Variants in ATXN7 observed in about 807,000 individuals in gnomAD.
The protein encoded by ATXN7 is ataxin 7, also known as ataxin-7.
Under a neutral mutation model 70.5 loss-of-function variants are expected in ATXN7, and 12 were observed. That is an observed-to-expected ratio of 0.17 (90% CI 0.11 to 0.28). ATXN7 has a LOEUF of 0.28. ATXN7 is among the 10% of genes least tolerant of loss of function. The pLI is 1.00. For missense variants in ATXN7, 1,256 were observed against 1,131.7 expected (o/e 1.11, Z -1.58); for synonymous variants, 498 against 448.7 (o/e 1.11, Z -1.39).
intron 5 of ATXN7, among the ~76,000 whole-genome samples, chr3:63,958,963 AC>A (rs149636398): frequency 0.023 from 3,552 of 152,318 alleles, 74 homozygotes; most frequent in African/African-American, 0.058. Flanking sequence ...GTGTCACAAA[AC>A]TATCATTAGT....
chr3:63,940,071 G>A (rs933592036), intron 4 of ATXN7, among the ~76,000 whole-genome samples: 12 of 152,090 alleles, frequency 7.9e-5, no homozygotes, highest in Admixed American at 6.6e-5. Context: ...GAAACACTGG[G>A]GAATGAGATG....
In ATXN7 at chr3:64,001,803, C is replaced by G. The variant is rs2075835789; in HGVS notation, c.*2336C>G. 1 of 152,110 alleles carries G rather than the reference C, an allele frequency of 6.6e-6. No homozygotes were observed. The allele number at this position is 152,110 out of a possible 1,614,324, so 9.4% of individuals were successfully genotyped here. ...AAATATTTTATTTTCTCCTAAACTA[C>G]TTTTTATGGTGATGAATAATTAAGA... On this transcript the variant is annotated 3_prime_UTR_variant, in exon 13 of 13. Transcript: ENST00000674280.
intron 4 of ATXN7, among the ~76,000 whole-genome samples, chr3:63,942,684 T>C (rs977345964): frequency 2.0e-5 from 3 of 152,212 alleles, no homozygotes; most frequent in African/African-American, 7.2e-5. Flanking sequence ...CAGTAGAGAT[T>C]GAAGCAGTGG....
intron 9 of ATXN7, among the ~76,000 whole-genome samples, chr3:63,988,993 C>T (rs1003529510): frequency 1.3e-5 from 2 of 152,086 alleles, no homozygotes; most frequent in Non-Finnish European, 2.9e-5. Flanking sequence ...CAGTGTTGGC[C>T]GTTCATTTAT....
At chr3:63,944,007 C>T (rs2074814663) in intron 4 of ATXN7, among the ~76,000 whole-genome samples, 1 of 152,162 alleles carries the variant, frequency 6.6e-6, no homozygotes, top group Non-Finnish European at 1.5e-5. Flanking sequence ...AGTATTGGCC[C>T]TCTGCTGCTG....
intron 4 of ATXN7, among the ~76,000 whole-genome samples, chr3:63,915,390 G>A (rs558645285): frequency 6.6e-6 from 1 of 152,200 alleles, no homozygotes; most frequent in Admixed American, 6.5e-5. Context: ...TTGTGACTTT[G>A]CGGATTATGT....
chr3:63,892,375 CA>C (rs1262315434), intron 1 of ATXN7, among the ~76,000 whole-genome samples: 4 of 2,006 alleles, frequency 2.0e-3, no homozygotes, highest in African/African-American at 3.5e-3. Flanking sequence ...ACACCTCTAC[CA>C]CACACACACA....
intron 5 of ATXN7, among the ~76,000 whole-genome samples, chr3:63,955,419 G>A (rs2075023921): frequency 6.6e-6 from 1 of 152,136 alleles, no homozygotes; most frequent in Middle Eastern, 3.2e-3. Flanking sequence ...GGGTTTGGGA[G>A]AGTAACTGCA....
In ATXN7 at chr3:63,906,794, G is replaced by T. The variant is rs182903828; in HGVS notation, c.-11-5794G>T. 2.8e-4 allele frequency among the ~76,000 whole-genome samples: 42 copies of T among 152,314 alleles called. No individual in the cohort carries two copies. In the East Asian group the frequency reaches 7.7e-3, roughly 28 times the overall value. On this transcript the variant is annotated intron_variant, in intron 2 of 12. Transcript: ENST00000674280. Reference sequence around the variant, plus strand: ...GGAGTTGGATGGGGTTGGGGTGGGGGCATGTTTGAAGTTCTGAATTTGTCA... The same window carrying T: ...GGAGTTGGATGGGGTTGGGGTGGGGTCATGTTTGAAGTTCTGAATTTGTCA...
intron 1 of ATXN7, among the ~76,000 whole-genome samples, chr3:63,878,993 T>C (rs1431907486): frequency 6.6e-6 from 1 of 152,224 alleles, no homozygotes; most frequent in Non-Finnish European, 1.5e-5. Flanking sequence ...GGTCAGCCTC[T>C]TGGGACTCAG....
chr3:63,896,273 T>A (rs1703445927), intron 1 of ATXN7, among the ~76,000 whole-genome samples: 1 of 126,190 alleles, frequency 7.9e-6, no homozygotes. Context: ...TAACTGGCCA[T>A]CATTTAAATA....
At chr3:63,865,259 C>T (rs751746472) in intron 1 of ATXN7, 1 of 152,172 alleles carries the variant, frequency 6.6e-6, no homozygotes, top group African/African-American at 2.4e-5. Flanking sequence ...TTATGTGAGA[C>T]CAGTGACTTC....
intron 4 of ATXN7, among the ~76,000 whole-genome samples, chr3:63,924,970 T>C (rs1704659564): frequency 6.6e-6 from 1 of 152,130 alleles, no homozygotes; most frequent in Admixed American, 6.5e-5. Context: ...TGGTCACATG[T>C]GAAAAGAATT....
intron 1 of ATXN7, among the ~76,000 whole-genome samples, chr3:63,880,698 C>T (rs1264174665): frequency 6.6e-6 from 1 of 152,208 alleles, no homozygotes; most frequent in East Asian, 1.9e-4. Context: ...TTAAATGCCA[C>T]CTCTTCACAG....
At chr3:63,868,378 A>T (rs1304963303) in intron 1 of ATXN7, among the ~76,000 whole-genome samples, 1 of 152,198 alleles carries the variant, frequency 6.6e-6, no homozygotes, top group Non-Finnish European at 1.5e-5. Flanking sequence ...GGCTAGCTAG[A>T]AGTTTCCCGT....
intron 11 of ATXN7, among the ~76,000 whole-genome samples, chr3:63,994,125 T>C (rs928200660): frequency 2.6e-5 from 4 of 152,206 alleles, no homozygotes; most frequent in Non-Finnish European, 5.9e-5. Flanking sequence ...GTAATCGTTA[T>C]GGATGTGGCT....
intron 5 of ATXN7, among the ~76,000 whole-genome samples, chr3:63,957,126 A>G (rs1004063466): frequency 3.9e-5 from 6 of 152,128 alleles, no homozygotes; most frequent in Non-Finnish European, 7.3e-5. Context: ...AGGAATTCCT[A>G]TTTTGTGCTC....
intron 1 of ATXN7, among the ~76,000 whole-genome samples, chr3:63,877,253 A>G (rs1188380437): frequency 6.6e-5 from 10 of 152,216 alleles, no homozygotes; most frequent in South Asian, 2.1e-4. Context: ...CAGAAATCAT[A>G]AGTGTTTGTA....
intron 9 of ATXN7, among the ~76,000 whole-genome samples, 196 bp from the exon 10 acceptor site, chr3:63,989,980 G>A (rs951129047): frequency 6.6e-6 from 1 of 152,174 alleles, no homozygotes; most frequent in African/African-American, 2.4e-5. Flanking sequence ...GCAAACAGCT[G>A]AACTTAACAT....
Sources: allele counts gnomAD v4.1 joint callset (sites outside exome capture counted in the v4.1 genomes callset), GRCh38; gene constraint gnomAD v4.1.1; transcripts MANE v1.5; gene names NCBI Gene and HGNC (gene_info 2026-07-23, HGNC 2026-07-21).